LINGO2: variants seen among roughly 807,000 people sequenced by gnomAD.
LINGO2 encodes the protein leucine-rich repeat and immunoglobulin-like domain-containing nogo receptor-interacting protein 2.
LINGO2 carries 14 observed loss-of-function variants against 30.6 expected under a neutral mutation model. The observed-to-expected ratio is 0.46, with a 90% confidence interval of 0.30 to 0.72. The LOEUF is 0.72. LINGO2 is among the 30% of genes least tolerant of loss of function. The probability of loss-of-function intolerance (pLI) is 0.07; values close to 1 mark genes in which losing one functional copy is unlikely to be tolerated. For missense variants in LINGO2, 729 were observed against 751.7 expected, an observed-to-expected ratio of 0.97 and a Z score of 0.35; for synonymous variants, 317 against 288.5, an observed-to-expected ratio of 1.10 and a Z score of -1.00.
intron 1 of LINGO2, among the ~76,000 whole-genome samples, chr9:28,650,263 G>C (rs1440455821): frequency 6.6e-6 from 1 of 152,098 alleles, no homozygotes; most frequent in Non-Finnish European, 1.5e-5. Flanking sequence ...ACTCTAGCAC[G>C]TGGGCTCTTT....
the LINGO2 span, among the ~76,000 whole-genome samples, chr9:28,805,138 T>A: frequency 6.6e-6 from 1 of 152,160 alleles, no homozygotes; most frequent in Non-Finnish European, 1.5e-5. Flanking sequence ...ATACTCAGGT[T>A]CTGTTAACAT....
chr9:28,937,921 TG>T, the LINGO2 span, among the ~76,000 whole-genome samples: 1 of 152,202 alleles, frequency 6.6e-6, no homozygotes, highest in Non-Finnish European at 1.5e-5. Context: ...TTATTTTTTC[TG>T]ATCCTCTCCC....
At chr9:28,560,778 C>T (rs7030348) in intron 1 of LINGO2, among the ~76,000 whole-genome samples, 6,588 of 151,966 alleles carry the variant, frequency 0.043, 370 homozygotes, top group African/African-American at 0.13. Context: ...GCGATCCTCT[C>T]ACCTCAACCT....
chr9:28,178,824 G>T (rs1392081417), intron 4 of LINGO2, among the ~76,000 whole-genome samples: 1 of 152,106 alleles, frequency 6.6e-6, no homozygotes, highest in Non-Finnish European at 1.5e-5. Context: ...TTTCTATCAG[G>T]AAAGGGAAGA....
chr9:28,631,643 G>A (rs924204760), intron 1 of LINGO2, among the ~76,000 whole-genome samples: 3 of 152,062 alleles, frequency 2.0e-5, no homozygotes, highest in African/African-American at 7.2e-5. Flanking sequence ...AAGAGAGAAC[G>A]TTAATATTTT....
the LINGO2 span, among the ~76,000 whole-genome samples, chr9:29,211,189 G>C: frequency 6.6e-6 from 1 of 152,064 alleles, no homozygotes; most frequent in Non-Finnish European, 1.5e-5. Context: ...ACCACATATG[G>C]TATGCACAAA....
chr9:28,641,398 G>T (rs1390453197), intron 1 of LINGO2, among the ~76,000 whole-genome samples: 28 of 152,044 alleles, frequency 1.8e-4, no homozygotes, highest in Admixed American at 1.5e-3. Flanking sequence ...CTAAATTAAA[G>T]CTGTTAAAAG....
chr9:28,354,439 G>A (rs760000513), intron 3 of LINGO2, among the ~76,000 whole-genome samples: 3 of 152,150 alleles, frequency 2.0e-5, no homozygotes, highest in Non-Finnish European at 4.4e-5. Context: ...CAATATGATA[G>A]TATGTAATAG....
At chr9:28,878,610 T>A in the LINGO2 span, among the ~76,000 whole-genome samples, 16 of 152,270 alleles carry the variant, frequency 1.1e-4, no homozygotes, top group East Asian at 2.7e-3. Flanking sequence ...GCAAACCGAA[T>A]CCAGCAGAAT....
the LINGO2 span, among the ~76,000 whole-genome samples, chr9:28,862,754 C>CTTAA: frequency 1.3e-5 from 2 of 152,036 alleles, no homozygotes; most frequent in Non-Finnish European, 2.9e-5. Context: ...TACCATTGAA[C>CTTAA]TTAAATAAGA....
intron 4 of LINGO2, among the ~76,000 whole-genome samples, chr9:28,206,778 T>G (rs921702602): frequency 7.2e-5 from 11 of 152,204 alleles, no homozygotes; most frequent in Non-Finnish European, 1.3e-4. Context: ...AAGGATGTAA[T>G]GTAATCTCTT....
intron 5 of LINGO2, among the ~76,000 whole-genome samples, chr9:27,986,181 AAGACAGAAAAG>A (rs1022343592): frequency 1.3e-5 from 2 of 151,650 alleles, no homozygotes; most frequent in Non-Finnish European, 1.5e-5. Context: ...ACAGCCAGAG[AAGACAGAAAAG>A]AGACAGAAGA....
intron 4 of LINGO2, among the ~76,000 whole-genome samples, chr9:28,146,560 A>G (rs1464222127): frequency 8.4e-6 from 1 of 119,496 alleles, no homozygotes; most frequent in African/African-American, 2.6e-5. Flanking sequence ...AGTGGTAAAA[A>G]TCTTTTTTTT....
chr9:28,875,324 C>A, the LINGO2 span, among the ~76,000 whole-genome samples: 2 of 151,892 alleles, frequency 1.3e-5, no homozygotes, highest in Non-Finnish European at 2.9e-5. Context: ...GGTTTGTGTA[C>A]GTCTACACAA....
intron 1 of LINGO2, among the ~76,000 whole-genome samples, chr9:28,644,811 A>C (rs1036305380): frequency 6.6e-6 from 1 of 152,022 alleles, no homozygotes; most frequent in Admixed American, 6.6e-5. Context: ...ATAAATATAT[A>C]TATCTACTAT....
the LINGO2 span, among the ~76,000 whole-genome samples, chr9:29,186,844 T>G: frequency 6.6e-6 from 1 of 152,064 alleles, no homozygotes; most frequent in Non-Finnish European, 1.5e-5. Context: ...TTTTGAGAAT[T>G]AAATGAGATA....
chr9:28,788,922 T>C, the LINGO2 span, among the ~76,000 whole-genome samples: 1 of 152,192 alleles, frequency 6.6e-6, no homozygotes, highest in African/African-American at 2.4e-5. Flanking sequence ...GGTTACAACA[T>C]GCATTGCTCG....
intron 2 of LINGO2, among the ~76,000 whole-genome samples, chr9:28,379,474 T>A (rs1007821722): frequency 6.6e-6 from 1 of 152,130 alleles, no homozygotes; most frequent in Non-Finnish European, 1.5e-5. Context: ...GTTATCTATC[T>A]GTTTCTGTTC....
the LINGO2 span, among the ~76,000 whole-genome samples, chr9:28,958,495 C>G: frequency 6.6e-6 from 1 of 152,016 alleles, no homozygotes; most frequent in African/African-American, 2.4e-5. Flanking sequence ...GGTGCTGACA[C>G]TTTTTTAGAA....
Sources: allele counts gnomAD v4.1 joint callset (sites outside exome capture counted in the v4.1 genomes callset), GRCh38; gene constraint gnomAD v4.1.1; transcripts MANE v1.5; gene names NCBI Gene and HGNC (gene_info 2026-07-23, HGNC 2026-07-21).